The following P2RX1 variants were observed in gnomAD, a reference collection of about 807,000 sequenced individuals.
The protein encoded by P2RX1 is purinergic receptor P2X 1.
In P2RX1, 42 loss-of-function variants were observed where a neutral mutation model predicts 50.3. The ratio of observed to expected loss-of-function variants is 0.83; its 90% CI spans 0.65 to 1.08. The LOEUF is 1.08. Among genes scored for constraint, P2RX1 ranks in the 50% least tolerant of loss-of-function variants. The pLI, the probability that P2RX1 is intolerant of heterozygous loss-of-function variation, is 0.00. For missense variants in P2RX1, 449 were observed against 529.0 expected (o/e 0.85, Z 1.48); for synonymous variants, 199 against 202.6 (o/e 0.98, Z 0.15).
intron 7 of P2RX1, among the ~76,000 whole-genome samples, chr17:3,902,626 G>C (rs1440894709): frequency 1.4e-5 from 2 of 141,102 alleles, no homozygotes. Flanking sequence ...TTTTGTTTTT[G>C]AGATGGAATC....
chr17:3,900,999 A>AC (rs1011041800), intron 7 of P2RX1, among the ~76,000 whole-genome samples: 1 of 152,196 alleles, frequency 6.6e-6, no homozygotes, highest in African/African-American at 2.4e-5. Flanking sequence ...AGAGAAGGGG[A>AC]CAGGGAGCTG....
rs1321356497 is a variant in P2RX1, at chr17:3,914,985, C to T, written c.137+1104G>A. ...GGCTCTTTTGGACGCCAGAAGTTTC[C>T]GGGGGACTAGGACTTCATGGTCCTT... is the stretch of plus-strand genomic sequence containing the variant. On this transcript the variant is annotated intron_variant, in intron 1 of 11. Coordinates refer to ENST00000225538, the MANE Select transcript of P2RX1 (RefSeq NM_002558.4). This position sits in a 1 kb window ranked among gnomAD's most constrained non-coding sequence, Gnocchi z 4.1. 2.6e-5 allele frequency among the ~76,000 whole-genome samples: 4 copies of T among 152,152 alleles called. No individual in the cohort carries two copies. The highest frequency in any genetic ancestry group is 4.8e-5 in the African/African-American group (2 of 41,428).
intron 8 of P2RX1, 107 bp downstream of exon 8, chr17:3,899,527 C>A: frequency 6.8e-7 from 1 of 1,462,196 alleles, no homozygotes; most frequent in Non-Finnish European, 9.5e-7. Flanking sequence ...CTGCCCAGGA[C>A]CCTCTGCTCC....
intron 1 of P2RX1, among the ~76,000 whole-genome samples, chr17:3,905,847 CAAAAA>C (rs60059213): frequency 6.8e-5 from 7 of 103,228 alleles, no homozygotes; most frequent in Admixed American, 9.7e-5. Context: ...AATTCTGTCT[CAAAAA>C]AAAAAAAAAA....
chr17:3,904,795 T>C (rs565754738), intron 3 of P2RX1, 63 bp downstream of exon 3: 101 of 1,332,732 alleles, frequency 7.6e-5, no homozygotes, highest in Admixed American at 3.1e-4. Context: ...CCCTGGAGAC[T>C]TTCTCTGCAC....
At chr17:3,900,269 G>A (rs1429775803) in intron 7 of P2RX1, among the ~76,000 whole-genome samples, 4 of 151,862 alleles carry the variant, frequency 2.6e-5, no homozygotes, top group African/African-American at 7.3e-5. Context: ...CCAGACCAAC[G>A]CAATGAAACC....
intron 1 of P2RX1, chr17:3,915,621 G>A (rs754533529): frequency 1.5e-5 from 7 of 457,538 alleles, no homozygotes; most frequent in Admixed American, 4.7e-5. Flanking sequence ...GGCCTCAAAC[G>A]TCCCTGGATG....
chr17:3,916,345 G>C lies in P2RX1; in HGVS notation c.-120C>G. Reference sequence around the variant, plus strand: ...TGGGGGCTTCCTGGCCCCTTAGGAAGAGCAGGGCGGTGCAGGTGGAGCCAG... The same window carrying C: ...TGGGGGCTTCCTGGCCCCTTAGGAACAGCAGGGCGGTGCAGGTGGAGCCAG... On this transcript the variant is annotated 5_prime_UTR_variant, in exon 1 of 12. Coordinates refer to ENST00000225538, the MANE Select transcript of P2RX1 (RefSeq NM_002558.4). The C allele has an allele frequency of 8.6e-7, 1 of 1,169,560 alleles. No homozygotes were observed. The highest frequency in any genetic ancestry group is 1.2e-6 in the Non-Finnish European group (1 of 819,576). 72.4% of individuals were successfully genotyped at this position (1,169,560 alleles called of 1,614,324 possible). A position where few individuals can be genotyped will look rare whatever the true frequency, so the allele number is the denominator to read the frequency against.
At chr17:3,900,182 G>A (rs945878280) in intron 7 of P2RX1, among the ~76,000 whole-genome samples, 2 of 152,106 alleles carry the variant, frequency 1.3e-5, no homozygotes, top group Non-Finnish European at 2.9e-5. Context: ...GCCGGGCGTG[G>A]TGGCTCGCAC....
intron 7 of P2RX1, among the ~76,000 whole-genome samples, chr17:3,901,348 T>A (rs939545287): frequency 2.0e-5 from 3 of 152,212 alleles, no homozygotes; most frequent in African/African-American, 7.2e-5. Flanking sequence ...ATTACAGGCG[T>A]GAGCCACCGC....
intron 1 of P2RX1, among the ~76,000 whole-genome samples, chr17:3,906,189 C>T (rs898272157): frequency 3.9e-5 from 6 of 152,056 alleles, no homozygotes; most frequent in East Asian, 1.9e-4. Flanking sequence ...TGGAGTACAG[C>T]GGCGCCATCT....
In P2RX1 at chr17:3,916,262, A is replaced by G. The variant is rs1300324554; in HGVS notation, c.-37T>C. ...TGGGGCTCAGAACTGAGCCCCCTGCACGGCCTCTGCTCTCAGGGTGAGCCG... is the reference window on the plus strand; with the variant it reads ...TGGGGCTCAGAACTGAGCCCCCTGCGCGGCCTCTGCTCTCAGGGTGAGCCG... On this transcript the variant is annotated 5_prime_UTR_variant, in exon 1 of 12. Coordinates refer to ENST00000225538, the MANE Select transcript of P2RX1 (RefSeq NM_002558.4). 6.2e-7 allele frequency: 1 copy of G among 1,607,852 alleles called. No individual in the cohort carries two copies. Among genetic ancestry groups the G allele is most frequent in the Admixed American group, 1.7e-5 (1 of 59,574 alleles).
Position 3,897,561 on chromosome 17 carries a change from C to A in P2RX1, c.*253G>T, listed in dbSNP as rs1597506517. ...TGCAGGTGTGTGGGAGGGTCCTGCC[C>A]AGCCCCAGCCATTCCCCACCAGGAG... On this transcript the variant is annotated 3_prime_UTR_variant, in exon 12 of 12. Coordinates refer to ENST00000225538, the MANE Select transcript of P2RX1 (RefSeq NM_002558.4). The A allele has an allele frequency of 3.4e-6, 2 of 583,712 alleles. No individual in the cohort carries two copies. Among genetic ancestry groups the A allele is most frequent in the East Asian group, 5.8e-5 (2 of 34,664 alleles). 36.2% of individuals were successfully genotyped at this position (583,712 alleles called of 1,614,324 possible).
intron 1 of P2RX1, chr17:3,915,400 C>G (rs2052383674): frequency 4.4e-6 from 2 of 453,632 alleles, no homozygotes; most frequent in South Asian, 3.1e-5. Flanking sequence ...GTGCCAGCCT[C>G]TGCCAGGCCT....
In P2RX1 at chr17:3,903,711, G is replaced by T; in HGVS notation, c.525-80C>A. ...CCACACAGAGCTTGGCACAGCAGGG[G>T]GTGGGCCGAGCCTCCGGGACCCGCC... On this transcript the variant is annotated intron_variant, in intron 5 of 11. Transcript: ENST00000225538. This position sits in a 1 kb window ranked among gnomAD's most constrained non-coding sequence, Gnocchi z 4.6. The T allele has an allele frequency of 6.7e-7, 1 of 1,490,156 alleles. No homozygotes were observed. Among genetic ancestry groups the T allele is most frequent in the Non-Finnish European group, 9.3e-7 (1 of 1,072,302 alleles). The allele number at this position is 1,490,156 out of a possible 1,614,324, so 92.3% of individuals were successfully genotyped here. A position where few individuals can be genotyped will look rare whatever the true frequency, so the allele number is the denominator to read the frequency against.
In P2RX1 at chr17:3,903,659, C is replaced by A. The variant is rs770448188; in HGVS notation, c.525-28G>T. On this transcript the variant is annotated intron_variant, in intron 5 of 11. Coordinates refer to ENST00000225538, the MANE Select transcript of P2RX1 (RefSeq NM_002558.4). The surrounding 1 kb of genome is among the most constrained non-coding windows in gnomAD (Gnocchi z 4.6). Reference sequence around the variant, plus strand: ...GGAGGACACCACACGCACTCACCGCCCCTCCCCAGGAGGCCCCCTGTGTGT... The same window carrying A: ...GGAGGACACCACACGCACTCACCGCACCTCCCCAGGAGGCCCCCTGTGTGT... 1.2e-6 allele frequency: 2 copies of A among 1,610,490 alleles called. No homozygotes were observed. The highest frequency in any genetic ancestry group is 2.2e-5 in the South Asian group (2 of 91,010).
rs555049705 is a variant in P2RX1 at position 3,902,925 on chromosome 17, G to GTT, written c.747+275_747+276dup. Among the ~76,000 whole-genome samples the GTT allele has an allele frequency of 1.2e-3, 176 of 143,162 alleles. 1 individual carries two copies. Among genetic ancestry groups the GTT allele is most frequent in the African/African-American group, 4.1e-3 (159 of 38,380 alleles). 93.9% of individuals were successfully genotyped at this position (143,162 alleles called of 152,430 possible). ...CACCTGACCAAGCTGCTTTTATCTA[G>GTT]TTTTTTTTTTTTTTTAAAGCAGGGC... is the stretch of plus-strand genomic sequence containing the variant. On this transcript the variant is annotated intron_variant, in intron 7 of 11. Transcript: ENST00000225538.
chr17:3,903,168 G>C lies in P2RX1; in HGVS notation c.747+34C>G. 6.2e-7 allele frequency: 1 copy of C among 1,613,552 alleles called. No individual in the cohort carries two copies. Among genetic ancestry groups the C allele is most frequent in the South Asian group, 1.1e-5 (1 of 91,080 alleles). ...GCCTTTATCAGGATCCTGCGGCCCA[G>C]CCCTCCCCACGTGCCTGGCACCATG... On this transcript the variant is annotated intron_variant, in intron 7 of 11. Coordinates refer to ENST00000225538, the MANE Select transcript of P2RX1 (RefSeq NM_002558.4). The surrounding 1 kb of genome is among the most constrained non-coding windows in gnomAD (Gnocchi z 4.6).
At chr17:3,910,327 T>C (rs781688334) in intron 1 of P2RX1, among the ~76,000 whole-genome samples, 15 of 152,278 alleles carry the variant, frequency 9.9e-5, no homozygotes, top group Middle Eastern at 3.4e-3. Flanking sequence ...AGAAATTCAA[T>C]TGGATCAACC....
Sources: gnomAD v4.1 joint callset for allele counts (sites outside exome capture counted in the v4.1 genomes callset) on GRCh38, gnomAD v4.1.1 for gene constraint, Gnocchi (gnomAD v3.1) non-coding constraint, MANE v1.5 for transcripts, NCBI Gene and HGNC (gene_info 2026-07-23, HGNC 2026-07-21) for gene names.